Variants in LEKR1 observed in about 807,000 individuals in gnomAD.
LEKR1 encodes the protein protein LEKR1.
LEKR1 carries 59 observed loss-of-function variants against 72.4 expected under a neutral mutation model. That is an observed-to-expected ratio of 0.82 (90% CI 0.66 to 1.01). The LOEUF (loss-of-function observed/expected upper bound fraction) is 1.01. Ranked by LOEUF, LEKR1 falls within the 50% of genes least tolerant of loss-of-function variation. LEKR1 has a pLI of 0.00. For synonymous variants in LEKR1, 257 were observed against 263.2 expected (o/e 0.98, Z 0.23); for missense variants, 728 against 759.2 (o/e 0.96, Z 0.48).
At chr3:156,917,389 G>T (rs923203912) in intron 3 of LEKR1, among the ~76,000 whole-genome samples, 3 of 152,068 alleles carry the variant, frequency 2.0e-5, no homozygotes, top group Admixed American at 2.0e-4. Flanking sequence ...TACTCACCAA[G>T]TGCCCAGCAC....
At chr3:156,923,750 C>T (rs553541554) in intron 4 of LEKR1, among the ~76,000 whole-genome samples, 17 of 149,842 alleles carry the variant, frequency 1.1e-4, no homozygotes, top group East Asian at 9.8e-4. Context: ...TTTTTTGAGA[C>T]GGAGGCTCGC....
At chr3:156,840,985 G>A (rs899696298) in intron 2 of LEKR1, among the ~76,000 whole-genome samples, 3 of 152,222 alleles carry the variant, frequency 2.0e-5, no homozygotes, top group African/African-American at 4.8e-5. Context: ...AAATCTACAC[G>A]AATCAATAGC....
At chr3:156,938,164 T>C (rs545011905) in intron 5 of LEKR1, among the ~76,000 whole-genome samples, 5 of 151,372 alleles carry the variant, frequency 3.3e-5, no homozygotes, top group East Asian at 3.9e-4. Context: ...CACACACACA[T>C]GAGTGTGTAT....
intron 6 of LEKR1, among the ~76,000 whole-genome samples, chr3:156,952,116 T>C (rs1727209689): frequency 6.6e-6 from 1 of 151,476 alleles, no homozygotes; most frequent in African/African-American, 2.4e-5. Flanking sequence ...GGAATTGATG[T>C]GGCAAGCTCT....
At chr3:157,017,865 C>A (rs1019040780) in intron 10 of LEKR1, among the ~76,000 whole-genome samples, 1 of 149,178 alleles carries the variant, frequency 6.7e-6, no homozygotes, top group South Asian at 2.1e-4. Flanking sequence ...AGGAGAATAG[C>A]GTGAACCCAG....
chr3:156,894,259 C>T (rs1237027169), intron 3 of LEKR1, among the ~76,000 whole-genome samples: 1 of 152,148 alleles, frequency 6.6e-6, no homozygotes, highest in African/African-American at 2.4e-5. Flanking sequence ...CTGATACTTT[C>T]TGATACCCTA....
intron 3 of LEKR1, among the ~76,000 whole-genome samples, chr3:156,907,754 T>C (rs1722667824): frequency 6.6e-6 from 1 of 152,146 alleles, no homozygotes; most frequent in South Asian, 2.1e-4. Flanking sequence ...GGTACAATTA[T>C]AAAAACTAAG....
At chr3:156,834,028 T>G (rs1712791646) in intron 2 of LEKR1, among the ~76,000 whole-genome samples, 1 of 152,070 alleles carries the variant, frequency 6.6e-6, no homozygotes, top group Admixed American at 6.5e-5. Context: ...GTACTATTAA[T>G]GTTAGGCCCA....
rs1322266459 is a variant in LEKR1 at position 156,999,389 on chromosome 3, C to T, written c.1109+6112C>T. On this transcript the variant is annotated intron_variant, in intron 9 of 12. Coordinates refer to ENST00000356539, the MANE Select transcript of LEKR1 (RefSeq NM_001004316.3). ...ATTTTCTTTCTATCCCTCCTTCTGT[C>T]TCCTCTCTCCTCCCCTCCCTTTTTC... Among the ~76,000 whole-genome samples the T allele has an allele frequency of 1.3e-5, 2 of 152,142 alleles. 1 individual carries two copies. The highest frequency in any genetic ancestry group is 2.9e-5 in the Non-Finnish European group (2 of 68,026).
At chr3:156,974,328 C>T (rs936282133) in intron 6 of LEKR1, among the ~76,000 whole-genome samples, 41 of 151,968 alleles carry the variant, frequency 2.7e-4, no homozygotes, top group African/African-American at 8.2e-4. Flanking sequence ...ACCTTCAAAA[C>T]GAATAATTTT....
intron 12 of LEKR1, 39 bp downstream of exon 12, chr3:157,028,441 G>T: frequency 6.7e-7 from 1 of 1,495,620 alleles, no homozygotes; most frequent in South Asian, 1.3e-5. Flanking sequence ...ATTAATCAAA[G>T]AGCACATGTT....
At chr3:157,034,761 A>G (rs1292225608) in intron 12 of LEKR1, among the ~76,000 whole-genome samples, 1 of 152,200 alleles carries the variant, frequency 6.6e-6, no homozygotes, top group African/African-American at 2.4e-5. Context: ...GAAATCTTTC[A>G]TAAATGGAAG....
intron 3 of LEKR1, among the ~76,000 whole-genome samples, chr3:156,856,425 G>A (rs972508773): frequency 1.3e-5 from 2 of 152,130 alleles, no homozygotes; most frequent in African/African-American, 4.8e-5. Context: ...TGGCTTTTTA[G>A]TATATTTTCT....
intron 5 of LEKR1, among the ~76,000 whole-genome samples, chr3:156,932,073 C>T: frequency 6.6e-6 from 1 of 152,036 alleles, no homozygotes; most frequent in East Asian, 1.9e-4. Context: ...CTGTAACTCA[C>T]CTTGATATTC....
intron 3 of LEKR1, among the ~76,000 whole-genome samples, chr3:156,886,769 G>C (rs998861980): frequency 7.2e-5 from 11 of 152,182 alleles, no homozygotes; most frequent in African/African-American, 2.7e-4. Context: ...TTCACACTTT[G>C]GCAACTCAGT....
Position 156,829,168 on chromosome 3 carries a change from A to T in LEKR1, c.-44-118A>T, listed in dbSNP as rs1712037137. ...CTAACATTGAGCTGATGAAATAAGC[A>T]TCTGTTGAAACAGTTATCACCATTC... On this transcript the variant is annotated intron_variant, in intron 1 of 12. Coordinates refer to ENST00000356539, the MANE Select transcript of LEKR1 (RefSeq NM_001004316.3). The T allele has an allele frequency of 9.1e-6, 5 of 547,924 alleles. No individual in the cohort carries two copies. In the East Asian group the frequency reaches 1.5e-4, roughly 17 times the overall value. The allele number at this position is 547,924 out of a possible 1,614,324, so 33.9% of individuals were successfully genotyped here.
At chr3:156,901,842 A>G (rs1722069116) in intron 3 of LEKR1, among the ~76,000 whole-genome samples, 1 of 152,018 alleles carries the variant, frequency 6.6e-6, no homozygotes, top group Non-Finnish European at 1.5e-5. Context: ...GCCGGCCCCA[A>G]ACCCAGCTAA....
intron 7 of LEKR1, among the ~76,000 whole-genome samples, chr3:156,981,860 C>G (rs1202278365): frequency 1.3e-5 from 2 of 152,228 alleles, no homozygotes; most frequent in Non-Finnish European, 2.9e-5. Flanking sequence ...TGTGCACACT[C>G]AAACCTCTTT....
chr3:156,888,501 A>C, intron 3 of LEKR1: 1 of 639,604 alleles, frequency 1.6e-6, no homozygotes, highest in Non-Finnish European at 2.9e-6. Context: ...CTAAGCCAGA[A>C]GATTTTGGAG....
Sources: gnomAD v4.1 joint callset for allele counts (sites outside exome capture counted in the v4.1 genomes callset) on GRCh38, gnomAD v4.1.1 for gene constraint, MANE v1.5 for transcripts, NCBI Gene and HGNC (gene_info 2026-07-23, HGNC 2026-07-21) for gene names.